PRR5: variants seen among roughly 807,000 people sequenced by gnomAD.
PRR5 encodes proline rich 5.
A neutral mutation model predicts 30.6 loss-of-function variants in PRR5; 25 were observed. The observed-to-expected ratio is 0.82, with a 90% confidence interval of 0.60 to 1.14. PRR5 has a LOEUF of 1.14. Ranked by LOEUF, PRR5 falls within the 50% of genes most tolerant of loss-of-function variation. PRR5 has a pLI of 0.00. For missense variants in PRR5, 600 were observed against 547.1 expected (o/e 1.10, Z -0.96); for synonymous variants, 286 against 247.1 (o/e 1.16, Z -1.48).
intron 1 of PRR5, among the ~76,000 whole-genome samples, chr22:44,708,966 C>CAAAA (rs60854330): frequency 1.6e-4 from 10 of 64,414 alleles, no homozygotes; most frequent in East Asian, 5.0e-4. Context: ...GACTCTGTCT[C>CAAAA]AAAAAAAAAA....
intron 6 of PRR5, 127 bp from the exon 7 acceptor site, chr22:44,734,900 A>G: frequency 1.5e-6 from 2 of 1,325,492 alleles, no homozygotes; most frequent in Non-Finnish European, 2.1e-6. Context: ...GGGGACAGAG[A>G]GCCTGTGGGA....
intron 6 of PRR5, among the ~76,000 whole-genome samples, chr22:44,732,754 G>A (rs11912029): frequency 0.095 from 13,718 of 144,110 alleles, 1,270 homozygotes; most frequent in African/African-American, 0.27. Flanking sequence ...ACGTGTGCAC[G>A]CACACGCTAC....
chr22:44,733,737 C>G (rs1298991359), intron 6 of PRR5, among the ~76,000 whole-genome samples: 1 of 152,168 alleles, frequency 6.6e-6, no homozygotes, highest in Non-Finnish European at 1.5e-5. Flanking sequence ...GTGGGGTCCC[C>G]TGTGTTAGTG....
chr22:44,678,240 T>C (rs1923941732), intron 1 of PRR5, among the ~76,000 whole-genome samples: 1 of 151,578 alleles, frequency 6.6e-6, no homozygotes, highest in African/African-American at 2.4e-5. Flanking sequence ...CTCAGCCTTC[T>C]CTCCTCTGGG....
chr22:44,710,878 CGCAGGGCAGGGCAGGGCAGG>C (rs896190367), intron 1 of PRR5, among the ~76,000 whole-genome samples: 1 of 152,196 alleles, frequency 6.6e-6, no homozygotes, highest in African/African-American at 2.4e-5. Flanking sequence ...CAGAAAAGGC[CGCAGGGCAGGGCAGGGCAGG>C]GCAGGGCGTG....
In PRR5 at chr22:44,736,895, C is replaced by A; in HGVS notation, c.815C>A (p.Ala272Glu). The change falls in exon 8 of 8, where the codon GCG becomes GAG. Residue 272 changes from alanine (A) to glutamate (E), a missense_variant. Coordinates refer to ENST00000336985, the MANE Select transcript of PRR5 (RefSeq NM_181333.4). ...PVQEHEAEGA[A>E]AGGTSIRRHS... ...CAGGAGCACGAGGCGGAGGGCGCGG[C>A]GGCCGGCGGTACCAGCATCCGCAGG... The A allele has an allele frequency of 6.2e-7, 1 of 1,608,842 alleles. No homozygotes were observed.
intron 1 of PRR5, among the ~76,000 whole-genome samples, chr22:44,695,338 A>G (rs565803573): frequency 1.9e-3 from 290 of 152,324 alleles, no homozygotes; most frequent in Admixed American, 3.5e-3. Context: ...GGAGGATTAC[A>G]TAATTGTTTT....
At chr22:44,725,213 G>A in intron 2 of PRR5, 31 bp from the exon 3 acceptor site, 1 of 1,613,404 alleles carries the variant, frequency 6.2e-7, no homozygotes. Context: ...TGTGGTCTGG[G>A]ACTCACTCTT....
chr22:44,671,609 GCCAC>G (rs1266612377), intron 1 of PRR5, among the ~76,000 whole-genome samples: 1 of 152,064 alleles, frequency 6.6e-6, no homozygotes, highest in African/African-American at 2.4e-5. Flanking sequence ...CAGAGTCAGG[GCCAC>G]CTGCCCTGAC....
Position 44,732,237 on chromosome 22 carries a change from C to G in PRR5, c.415-14C>G. 1.2e-6 allele frequency: 2 copies of G among 1,609,308 alleles called. No homozygotes were observed. The highest frequency in any genetic ancestry group is 1.7e-6 in the Non-Finnish European group (2 of 1,178,730). ...TGACCACAGCCGGTGGGGTGGGGTGCCTTCCGTCCACAGGGCAAGGAGCCA... is the reference window on the plus strand; with the variant it reads ...TGACCACAGCCGGTGGGGTGGGGTGGCTTCCGTCCACAGGGCAAGGAGCCA... On this transcript the variant is annotated splice_polypyrimidine_tract_variant and intron_variant, in intron 5 of 7. Coordinates refer to ENST00000336985, the MANE Select transcript of PRR5 (RefSeq NM_181333.4).
intron 2 of PRR5, 126 bp from the exon 3 acceptor site, chr22:44,725,118 C>T (rs1930481759): frequency 2.1e-6 from 3 of 1,405,422 alleles, no homozygotes; most frequent in East Asian, 4.8e-5. Flanking sequence ...GTCCACTACC[C>T]ATGTTTTTGG....
chr22:44,692,595 C>A (rs1925380097), intron 1 of PRR5, among the ~76,000 whole-genome samples: 1 of 152,172 alleles, frequency 6.6e-6, no homozygotes, highest in Non-Finnish European at 1.5e-5. Context: ...GGCTCCTCCT[C>A]CCAGGGCAGT....
chr22:44,672,155 C>A (rs1923462915), upstream of PRR5, among the ~76,000 whole-genome samples: 1 of 152,206 alleles, frequency 6.6e-6, no homozygotes, highest in Non-Finnish European at 1.5e-5. Flanking sequence ...CCCAAGGAAG[C>A]CCTCAACTGA....
In PRR5 at chr22:44,736,806, C is replaced by T. The variant is rs776530226; in HGVS notation, c.726C>T (p.Asp242=). 1.7e-5 allele frequency: 27 copies of T among 1,572,528 alleles called. No homozygotes were observed. The highest frequency in any genetic ancestry group is 9.5e-5 in the African/African-American group (7 of 73,978). The change falls in exon 8 of 8, where the codon GAC becomes GAT. Residue 242 remains aspartate (D), a synonymous_variant. Transcript: ENST00000336985. ...TCCTCCGCCGCTCCCGCTCGGGGGA[C>T]GTGCTGGCCAAGAACCCTGTGGTGC... is the stretch of plus-strand genomic sequence containing the variant. ...KRLLRRSRSG[D]VLAKNPVVRS... is the part of the protein sequence containing the mutation.
chr22:44,675,875 C>G (rs1321507744), upstream of PRR5, among the ~76,000 whole-genome samples: 2 of 151,690 alleles, frequency 1.3e-5, no homozygotes, highest in African/African-American at 4.8e-5. Context: ...GTGCCCCACT[C>G]CTAGCCACGA....
intron 1 of PRR5, among the ~76,000 whole-genome samples, chr22:44,695,846 C>T (rs1376321050): frequency 6.6e-6 from 1 of 151,702 alleles, no homozygotes; most frequent in Non-Finnish European, 1.5e-5. Flanking sequence ...AGTGATCCAC[C>T]CATCTCGGTC....
chr22:44,719,465 TTTGGATGACA>T (rs1929603983), intron 2 of PRR5, among the ~76,000 whole-genome samples: 1 of 152,180 alleles, frequency 6.6e-6, no homozygotes, highest in Non-Finnish European at 1.5e-5. Flanking sequence ...TCTTGATGGC[TTTGGATGACA>T]TTATCCCTGA....
At position 44,714,603 on chromosome 22, in the gene PRR5, G is replaced by A. The variant is rs1319990736; in HGVS notation, c.147G>A (p.Gly49=). The A allele has an allele frequency of 6.2e-7, 1 of 1,613,318 alleles. No individual in the cohort carries two copies. ...ANATWNSIHN[G]VIAVFQRKGL... is the part of the protein sequence containing the mutation. ...CCTCTGCCCCCAGCATCCACAACGGGGTGATCGCCGTCTTCCAGCGCAAGG... is the reference window on the plus strand; with the variant it reads ...CCTCTGCCCCCAGCATCCACAACGGAGTGATCGCCGTCTTCCAGCGCAAGG... Residue 49 remains glycine (G), a synonymous_variant, in exon 2 of 8, where the codon GGG becomes GGA. Transcript: ENST00000336985.
intron 1 of PRR5, chr22:44,679,674 C>A: frequency 2.2e-6 from 2 of 899,550 alleles, no homozygotes; most frequent in Non-Finnish European, 3.3e-6. Flanking sequence ...CCATTGCACT[C>A]CAGCCTGGGC....
Sources: allele counts gnomAD v4.1 joint callset (sites outside exome capture counted in the v4.1 genomes callset), GRCh38; gene constraint gnomAD v4.1.1; transcripts MANE v1.5; gene names NCBI Gene and HGNC (gene_info 2026-07-23, HGNC 2026-07-21).